The following SLC35A3 variants were observed in gnomAD, a reference collection of about 807,000 sequenced individuals.
SLC35A3 encodes the protein solute carrier family 35 member A3, also known as UDP-N-acetylglucosamine transporter.
SLC35A3 carries 26 observed loss-of-function variants against 39.0 expected under a neutral mutation model. That is an observed-to-expected ratio of 0.67 (90% CI 0.49 to 0.92). SLC35A3 has a LOEUF of 0.92. SLC35A3 is among the 40% of genes least tolerant of loss of function. The pLI is 0.00. For synonymous variants in SLC35A3, 135 were observed against 133.1 expected (o/e 1.01, Z -0.10); for missense variants, 299 against 371.6 (o/e 0.80, Z 1.61).
Position 100,033,742 on chromosome 1 carries a change from G to A in SLC35A3, c.*11266G>A, listed in dbSNP as rs987837044. On this transcript the variant is annotated 3_prime_UTR_variant, in exon 8 of 8. Transcript: ENST00000533028. ...AATATATTATCTGTTCATATTTTCT[G>A]TAGTCTTATTTCTTTTTGATTAGAA... The A allele has an allele frequency of 2.0e-5, 3 of 151,972 alleles. No homozygotes were observed. The highest frequency in any genetic ancestry group is 6.6e-5 in the Admixed American group (1 of 15,248). The allele number at this position is 151,972 out of a possible 1,614,324, so 9.4% of individuals were successfully genotyped here.
At chr1:99,977,699 G>T (rs1235407253) in intron 1 of SLC35A3, among the ~76,000 whole-genome samples, 1 of 152,142 alleles carries the variant, frequency 6.6e-6, no homozygotes, top group African/African-American at 2.4e-5. Flanking sequence ...ACAATATCTG[G>T]CTAATTTTTT....
At position 100,034,145 on chromosome 1, in the gene SLC35A3, C is replaced by T. The variant is rs960517163; in HGVS notation, c.*11669C>T. On this transcript the variant is annotated 3_prime_UTR_variant, in exon 8 of 8. Coordinates refer to ENST00000533028, the MANE Select transcript of SLC35A3 (RefSeq NM_012243.3). ...TGATTTTTTTCCCTTTTGGAAATGA[C>T]ATTTTGTTTGTTGTTTTTTACCTAG... 11 of 152,026 alleles carry T rather than the reference C, an allele frequency of 7.2e-5. No individual in the cohort carries two copies. Among genetic ancestry groups the T allele is most frequent in the African/African-American group, 2.7e-4 (11 of 41,392 alleles). 9.4% of individuals were successfully genotyped at this position (152,026 alleles called of 1,614,324 possible). A position where few individuals can be genotyped will look rare whatever the true frequency, so the allele number is the denominator to read the frequency against.
rs1246357231 is a variant in SLC35A3, at chr1:100,026,246, T to C, written c.*3770T>C. The C allele has an allele frequency of 6.6e-6, 1 of 152,204 alleles. No individual in the cohort carries two copies. The highest frequency in any genetic ancestry group is 1.5e-5 in the Non-Finnish European group (1 of 68,006). 9.4% of individuals were successfully genotyped at this position (152,204 alleles called of 1,614,324 possible). A position where few individuals can be genotyped will look rare whatever the true frequency, so the allele number is the denominator to read the frequency against. ...TTCTTAAAGGGTTTAGCATCACTCA[T>C]TTGATTTACACATTCACATTATAAT... On this transcript the variant is annotated 3_prime_UTR_variant, in exon 8 of 8. Coordinates refer to ENST00000533028, the MANE Select transcript of SLC35A3 (RefSeq NM_012243.3).
rs945511330 is a variant in SLC35A3 at position 100,023,378 on chromosome 1, A to G, written c.*902A>G. 4 of 152,228 alleles carry G rather than the reference A, an allele frequency of 2.6e-5. No homozygotes were observed. The highest frequency in any genetic ancestry group is 9.6e-5 in the African/African-American group (4 of 41,464). The allele number at this position is 152,228 out of a possible 1,614,324, so 9.4% of individuals were successfully genotyped here. On this transcript the variant is annotated 3_prime_UTR_variant, in exon 8 of 8. Coordinates refer to ENST00000533028, the MANE Select transcript of SLC35A3 (RefSeq NM_012243.3). The stretch of plus-strand genomic sequence containing the variant: ...TTAAAATAATTATTGTATAATATCT[A>G]CATTTGGAGAATTTTGAACTATCAA...
intron 1 of SLC35A3, among the ~76,000 whole-genome samples, chr1:99,983,251 C>T (rs958722281): frequency 2.6e-5 from 4 of 151,756 alleles, no homozygotes; most frequent in East Asian, 3.9e-4. Flanking sequence ...TACAAAAATA[C>T]GGTTGGGGGC....
chr1:100,022,379 T>G lies in SLC35A3; in HGVS notation c.888-7T>G. The G allele has an allele frequency of 6.8e-7, 1 of 1,470,196 alleles. No individual in the cohort carries two copies. 91.1% of individuals were successfully genotyped at this position (1,470,196 alleles called of 1,614,324 possible). A position where few individuals can be genotyped will look rare whatever the true frequency, so the allele number is the denominator to read the frequency against. ...TCTCTTTTTTATTTTGTCTTCATCT[T>G]ATTCAGTGTCTTTTTCCTTGGAGCC... On this transcript the variant is annotated splice_polypyrimidine_tract_variant and splice_region_variant and intron_variant, in intron 7 of 7. Transcript: ENST00000533028.
intron 1 of SLC35A3, among the ~76,000 whole-genome samples, chr1:99,988,200 G>A (rs547847026): frequency 2.6e-5 from 4 of 152,060 alleles, no homozygotes; most frequent in Non-Finnish European, 5.9e-5. Flanking sequence ...GCCCCTATCT[G>A]TAGGTAACCA....
chr1:100,004,197 C>CTTCT (rs1659034151), intron 3 of SLC35A3, among the ~76,000 whole-genome samples: 1 of 152,116 alleles, frequency 6.6e-6, no homozygotes, highest in African/African-American at 2.4e-5. Context: ...TAATGTTTGA[C>CTTCT]TTCTTTCTTT....
chr1:100,018,262 G>T (rs1261598122), intron 7 of SLC35A3, among the ~76,000 whole-genome samples: 1 of 152,184 alleles, frequency 6.6e-6, no homozygotes, highest in African/African-American at 2.4e-5. Context: ...TATAGGTGAG[G>T]AAGAAGACCC....
chr1:99,979,334 A>G (rs921858480), intron 1 of SLC35A3, among the ~76,000 whole-genome samples: 1 of 151,926 alleles, frequency 6.6e-6, no homozygotes, highest in Non-Finnish European at 1.5e-5. Context: ...TTGTGCCTGC[A>G]TCACTCTAAT....
intron 1 of SLC35A3, among the ~76,000 whole-genome samples, chr1:99,988,141 C>T (rs1358947908): frequency 6.6e-6 from 1 of 152,070 alleles, no homozygotes; most frequent in Non-Finnish European, 1.5e-5. Context: ...GTATTTCCAC[C>T]ACTACCAAAA....
chr1:99,983,340 T>C (rs565791346), intron 1 of SLC35A3, among the ~76,000 whole-genome samples: 84 of 151,852 alleles, frequency 5.5e-4, no homozygotes, highest in Middle Eastern at 3.4e-3. Flanking sequence ...GGAGATGATA[T>C]CAACCTGACC....
At chr1:100,003,872 A>G (rs1322474950) in intron 3 of SLC35A3, among the ~76,000 whole-genome samples, 4 of 152,132 alleles carry the variant, frequency 2.6e-5, no homozygotes. Context: ...ATCATGATAT[A>G]ATTACCTCTT....
intron 1 of SLC35A3, among the ~76,000 whole-genome samples, chr1:99,978,077 A>AT (rs1022056780): frequency 5.9e-5 from 9 of 152,224 alleles, no homozygotes; most frequent in African/African-American, 1.9e-4. Flanking sequence ...AAAATTGGGA[A>AT]TTTTTTTCTC....
chr1:99,991,672 G>A (rs1658094126), intron 1 of SLC35A3, among the ~76,000 whole-genome samples: 1 of 152,220 alleles, frequency 6.6e-6, no homozygotes, highest in African/African-American at 2.4e-5. Flanking sequence ...GACAAAGGAT[G>A]TGATCATCAC....
At chr1:100,013,698 A>G (rs1659844110) in intron 5 of SLC35A3, among the ~76,000 whole-genome samples, 1 of 151,912 alleles carries the variant, frequency 6.6e-6, no homozygotes, top group South Asian at 2.1e-4. Flanking sequence ...ATATACACAC[A>G]CATACCTATT....
chr1:100,009,636 A>G (rs1288061003), intron 4 of SLC35A3: 1 of 152,372 alleles, frequency 6.6e-6, no homozygotes, highest in Non-Finnish European at 1.5e-5. Flanking sequence ...AGAAAGCATG[A>G]CAGGGACCTA....
Position 100,014,379 on chromosome 1 carries a change from C to T in SLC35A3, c.635-923C>T, listed in dbSNP as rs557863836. Among the ~76,000 whole-genome samples, 107 of 152,220 alleles carry T rather than the reference C, an allele frequency of 7.0e-4. 1 individual carries two copies. Among genetic ancestry groups the T allele is most frequent in the African/African-American group, 2.5e-3 (104 of 41,518 alleles). Reference sequence around the variant, plus strand: ...AGGACTACAGGCATGCACCACCACACCTAACTAATTTAAAAATTTTTTTGT... The same window carrying T: ...AGGACTACAGGCATGCACCACCACATCTAACTAATTTAAAAATTTTTTTGT... On this transcript the variant is annotated intron_variant, in intron 5 of 7. Transcript: ENST00000533028.
In SLC35A3 at chr1:100,027,542, C is replaced by T. The variant is rs1004630389; in HGVS notation, c.*5066C>T. 23 of 192,456 alleles carry T rather than the reference C, an allele frequency of 1.2e-4. 1 individual carries two copies. The highest frequency in any genetic ancestry group is 9.7e-4 in the Admixed American group (16 of 16,468). 11.9% of individuals were successfully genotyped at this position (192,456 alleles called of 1,614,324 possible). A position where few individuals can be genotyped will look rare whatever the true frequency, so the allele number is the denominator to read the frequency against. ...TATCTTTCTATATGTTAATAACAGCCTAACAGATTTTTTGTTTTAAATATC... is the reference window on the plus strand; with the variant it reads ...TATCTTTCTATATGTTAATAACAGCTTAACAGATTTTTTGTTTTAAATATC... On this transcript the variant is annotated 3_prime_UTR_variant, in exon 8 of 8. Coordinates refer to ENST00000533028, the MANE Select transcript of SLC35A3 (RefSeq NM_012243.3).
Sources: allele counts gnomAD v4.1 joint callset (sites outside exome capture counted in the v4.1 genomes callset), GRCh38; gene constraint gnomAD v4.1.1; transcripts MANE v1.5; gene names NCBI Gene and HGNC (gene_info 2026-07-23, HGNC 2026-07-21).